The following LIN28B variants were observed in gnomAD, a reference collection of about 807,000 sequenced individuals.
LIN28B encodes lin-28 RNA binding posttranscriptional regulator B.
A neutral mutation model predicts 21.9 loss-of-function variants in LIN28B; 5 were observed. That is an observed-to-expected ratio of 0.23 (90% CI 0.12 to 0.48). The LOEUF is 0.48. Ranked by LOEUF, LIN28B falls within the 20% of genes least tolerant of loss-of-function variation. LIN28B has a pLI of 0.98. For synonymous variants in LIN28B, 109 were observed against 111.3 expected, an observed-to-expected ratio of 0.98 and a Z score of 0.13; for missense variants, 245 against 310.5, an observed-to-expected ratio of 0.79 and a Z score of 1.58.
At chr6:105,075,603 T>A (rs1443922893) in intron 3 of LIN28B, among the ~76,000 whole-genome samples, 1 of 152,186 alleles carries the variant, frequency 6.6e-6, no homozygotes, top group East Asian at 1.9e-4. Context: ...AGGGGGTGAA[T>A]TAACTATGCA....
intron 2 of LIN28B, among the ~76,000 whole-genome samples, chr6:104,943,576 G>C (rs2114543263): frequency 6.6e-6 from 1 of 152,208 alleles, no homozygotes; most frequent in South Asian, 2.1e-4. Flanking sequence ...CAATTTAGAA[G>C]TAATTAAATT....
intron 3 of LIN28B, among the ~76,000 whole-genome samples, chr6:105,053,004 A>G (rs1771938639): frequency 6.6e-6 from 1 of 152,216 alleles, no homozygotes; most frequent in South Asian, 2.1e-4. Context: ...ACATAAACAG[A>G]TAAAGTTTTA....
chr6:105,051,928 T>C (rs1771914793), intron 3 of LIN28B, among the ~76,000 whole-genome samples: 1 of 152,148 alleles, frequency 6.6e-6, no homozygotes, highest in African/African-American at 2.4e-5. Context: ...CGTCAGGTAG[T>C]GATAAATGCT....
chr6:104,976,012 T>C (rs1387935331), intron 2 of LIN28B, among the ~76,000 whole-genome samples: 1 of 152,068 alleles, frequency 6.6e-6, no homozygotes, highest in Non-Finnish European at 1.5e-5. Context: ...AAGAAAATGA[T>C]CATAGAATGG....
chr6:105,058,679 C>T (rs1772069222), intron 3 of LIN28B, among the ~76,000 whole-genome samples: 1 of 152,130 alleles, frequency 6.6e-6, no homozygotes, highest in South Asian at 2.1e-4. Context: ...AGTTGTTTTT[C>T]AGTGGTATGG....
At chr6:104,958,340 AT>A in intron 2 of LIN28B, 54 bp downstream of exon 2, 10 of 1,366,436 alleles carry the variant, frequency 7.3e-6, no homozygotes, top group Non-Finnish European at 1.0e-5. Context: ...GGAGGAGCTG[AT>A]CGGTAGTTAT....
chr6:104,950,333 A>C (rs1778206526), intron 2 of LIN28B: 1 of 456,376 alleles, frequency 2.2e-6, no homozygotes, highest in Non-Finnish European at 3.6e-6. Context: ...ACTGTAAAAA[A>C]AAGTTTACAG....
intron 3 of LIN28B, among the ~76,000 whole-genome samples, chr6:105,055,446 A>G (rs1772002539): frequency 6.6e-6 from 1 of 151,760 alleles, no homozygotes; most frequent in Non-Finnish European, 1.5e-5. Flanking sequence ...GCAAAGGAGA[A>G]CTCCTGTACC....
At chr6:104,938,654 A>C (rs1328683189) in intron 2 of LIN28B, among the ~76,000 whole-genome samples, 1 of 142,248 alleles carries the variant, frequency 7.0e-6, no homozygotes, top group East Asian at 2.1e-4. Flanking sequence ...AAAAAAAAAA[A>C]CCTGAAAAGA....
At chr6:104,994,109 A>G (rs1770550566) in intron 2 of LIN28B, among the ~76,000 whole-genome samples, 1 of 152,054 alleles carries the variant, frequency 6.6e-6, no homozygotes, top group Non-Finnish European at 1.5e-5. Flanking sequence ...GGTTCATGCC[A>G]TTCTCCTGCC....
intron 2 of LIN28B, among the ~76,000 whole-genome samples, chr6:104,961,132 A>G (rs969979430): frequency 1.3e-5 from 2 of 152,204 alleles, no homozygotes; most frequent in Non-Finnish European, 2.9e-5. Context: ...GTGAAAATAT[A>G]TATTCTGACC....
chr6:104,963,773 T>C (rs1327025268), intron 2 of LIN28B, among the ~76,000 whole-genome samples: 1 of 152,236 alleles, frequency 6.6e-6, no homozygotes, highest in East Asian at 1.9e-4. Context: ...ATATTAGTGT[T>C]AGCCTTTGGT....
chr6:105,038,399 C>T (rs997757051), intron 3 of LIN28B, among the ~76,000 whole-genome samples: 16 of 152,180 alleles, frequency 1.1e-4, no homozygotes, highest in African/African-American at 2.4e-4. Flanking sequence ...CTGCTGCCTC[C>T]GAGTGGACCA....
rs1009101745 is a variant in LIN28B, at chr6:105,080,613, G to A, written c.*1830G>A. 6.6e-6 allele frequency: 1 copy of A among 152,630 alleles called. No individual in the cohort carries two copies. The highest frequency in any genetic ancestry group is 1.5e-5 in the Non-Finnish European group (1 of 68,036). The allele number at this position is 152,630 out of a possible 1,614,324, so 9.5% of individuals were successfully genotyped here. A position where few individuals can be genotyped will look rare whatever the true frequency, so the allele number is the denominator to read the frequency against. ...CTGTGATGCAAAGCTTACCTTTGAC[G>A]ATATTGAATGTGATATAGCTGTAGA... On this transcript the variant is annotated 3_prime_UTR_variant, in exon 4 of 4. Transcript: ENST00000345080.
In LIN28B at chr6:105,081,366, G is replaced by A. The variant is rs1772538595; in HGVS notation, c.*2583G>A. The A allele has an allele frequency of 6.6e-6, 1 of 152,618 alleles. No individual in the cohort carries two copies. The highest frequency in any genetic ancestry group is 2.1e-4 in the South Asian group (1 of 4,830). The allele number at this position is 152,618 out of a possible 1,614,324, so 9.5% of individuals were successfully genotyped here. A position where few individuals can be genotyped will look rare whatever the true frequency, so the allele number is the denominator to read the frequency against. On this transcript the variant is annotated 3_prime_UTR_variant, in exon 4 of 4. Coordinates refer to ENST00000345080, the MANE Select transcript of LIN28B (RefSeq NM_001004317.4). ...CAGATTCCCTCAACTCTGTGCATAT[G>A]TGAATATCACTGATGTGAACACATT...
chr6:105,063,696 T>C (rs1772171120), intron 3 of LIN28B, among the ~76,000 whole-genome samples: 1 of 151,720 alleles, frequency 6.6e-6, no homozygotes, highest in Admixed American at 6.6e-5. Context: ...ATTTCTCTAT[T>C]TTATCATCAC....
At chr6:105,038,287 G>T (rs1771564897) in intron 3 of LIN28B, among the ~76,000 whole-genome samples, 1 of 152,186 alleles carries the variant, frequency 6.6e-6, no homozygotes, top group Admixed American at 6.5e-5. Flanking sequence ...GCACTGGGCT[G>T]AGGGGTACAA....
chr6:105,036,185 G>T (rs1205141688), intron 3 of LIN28B, among the ~76,000 whole-genome samples: 1 of 151,960 alleles, frequency 6.6e-6, no homozygotes, highest in South Asian at 2.1e-4. Context: ...TTTGGTCCCT[G>T]TAAGAAATTC....
At chr6:105,072,076 A>G (rs1044642159) in intron 3 of LIN28B, among the ~76,000 whole-genome samples, 1 of 150,866 alleles carries the variant, frequency 6.6e-6, no homozygotes, top group African/African-American at 2.5e-5. Context: ...GTCTACTTCA[A>G]TTCTTTTGTG....
Sources: gnomAD v4.1 joint callset for allele counts (sites outside exome capture counted in the v4.1 genomes callset) on GRCh38, gnomAD v4.1.1 for gene constraint, MANE v1.5 for transcripts, NCBI Gene and HGNC (gene_info 2026-07-23, HGNC 2026-07-21) for gene names.